CAMK4: variants seen among roughly 807,000 people sequenced by gnomAD.
The protein encoded by CAMK4 is calcium/calmodulin-dependent protein kinase type IV.
Under a neutral mutation model 44.9 loss-of-function variants are expected in CAMK4, and 22 were observed. The ratio of observed to expected loss-of-function variants is 0.49; its 90% CI spans 0.35 to 0.70. The LOEUF (loss-of-function observed/expected upper bound fraction) is 0.70. CAMK4 is among the 30% of genes least tolerant of loss of function. The pLI is 0.01. For missense variants in CAMK4, 498 were observed against 586.8 expected, an observed-to-expected ratio of 0.85 and a Z score of 1.56; for synonymous variants, 218 against 215.4, an observed-to-expected ratio of 1.01 and a Z score of -0.11.
Position 111,482,849 on chromosome 5 carries a change from C to T in CAMK4, c.893C>T (p.Pro298Leu), listed in dbSNP as rs1393937416. ...RLTTFQALQH[P>L]WVTGKAANFV... The stretch of plus-strand genomic sequence containing the variant: ...ACTACATTTCAAGCTCTCCAGCATC[C>T]GTGGGTCACAGGTAAAGCAGCCAAT... The change falls in exon 10 of 11, where the codon CCG becomes CTG. Residue 298 changes from proline to leucine, a missense_variant. Transcript: ENST00000282356. The surrounding 1 kb of genome is among the most constrained non-coding windows in gnomAD (Gnocchi z 4.9). 7 of 1,612,566 alleles carry T rather than the reference C, an allele frequency of 4.3e-6. No individual in the cohort carries two copies. The highest frequency in any genetic ancestry group is 1.3e-5 in the African/African-American group (1 of 74,818).
intron 1 of CAMK4, among the ~76,000 whole-genome samples, chr5:111,293,539 G>A (rs983363521): frequency 1.4e-4 from 21 of 151,372 alleles, no homozygotes; most frequent in African/African-American, 5.1e-4. Flanking sequence ...TGATTCCCCT[G>A]CCTCAGTCTC....
intron 1 of CAMK4, among the ~76,000 whole-genome samples, chr5:111,284,894 T>C (rs1382370934): frequency 6.6e-6 from 1 of 152,216 alleles, no homozygotes; most frequent in Non-Finnish European, 1.5e-5. Context: ...AAAAGAGATA[T>C]CTCCTTCTAA....
intron 1 of CAMK4, among the ~76,000 whole-genome samples, chr5:111,336,945 T>A (rs1660939): frequency 0.42 from 63,292 of 150,512 alleles, 13,816 homozygotes; most frequent in South Asian, 0.58. Context: ...CTTTTGGAAA[T>A]TTTTTTTTAC....
At chr5:111,233,456 A>G (rs1748567393) in intron 1 of CAMK4, among the ~76,000 whole-genome samples, 1 of 145,826 alleles carries the variant, frequency 6.9e-6, no homozygotes, top group Admixed American at 6.8e-5. Flanking sequence ...ACTGATGTTT[A>G]CTTCACATAA....
Position 111,394,864 on chromosome 5 carries a change from G to C in CAMK4, c.459+82G>C, listed in dbSNP as rs995599713. ...ATCATCATTTAAGAAATGCGCATCT[G>C]TGATAAGCCATACATTTTACAGCAT... On this transcript the variant is annotated intron_variant, in intron 5 of 10. Coordinates refer to ENST00000282356, the MANE Select transcript of CAMK4 (RefSeq NM_001744.6). The C allele has an allele frequency of 1.3e-5, 11 of 845,056 alleles. No individual in the cohort carries two copies. In the African/African-American group the frequency reaches 1.7e-4, roughly 13 times the overall value. The allele number at this position is 845,056 out of a possible 1,614,324, so 52.3% of individuals were successfully genotyped here.
chr5:111,372,576 C>G (rs1488806134), intron 2 of CAMK4, among the ~76,000 whole-genome samples: 2 of 152,028 alleles, frequency 1.3e-5, no homozygotes, highest in African/African-American at 4.8e-5. Flanking sequence ...CTCAACCTCT[C>G]AATTTGGTTA....
At chr5:111,314,734 A>C (rs1278770651) in intron 1 of CAMK4, among the ~76,000 whole-genome samples, 2 of 152,066 alleles carry the variant, frequency 1.3e-5, no homozygotes, top group Admixed American at 1.3e-4. Flanking sequence ...GTGTCTTGTT[A>C]ATACGTTGAA....
intron 1 of CAMK4, among the ~76,000 whole-genome samples, chr5:111,244,043 T>G (rs1749125575): frequency 6.6e-6 from 1 of 152,200 alleles, no homozygotes; most frequent in South Asian, 2.1e-4. Flanking sequence ...AACTAGTTAG[T>G]AGTAGAAATG....
chr5:111,360,142 A>G (rs1385029995), intron 2 of CAMK4, among the ~76,000 whole-genome samples: 1 of 152,098 alleles, frequency 6.6e-6, no homozygotes, highest in Non-Finnish European at 1.5e-5. Context: ...CCTGGGAGGA[A>G]AACATACTAA....
chr5:111,410,514 GTCTGTGT>G (rs1752594977), intron 5 of CAMK4, among the ~76,000 whole-genome samples: 1 of 152,162 alleles, frequency 6.6e-6, no homozygotes. Context: ...ACTACTGTAT[GTCTGTGT>G]TATTCTTTCA....
At chr5:111,372,079 C>G (rs1309370223) in intron 2 of CAMK4, among the ~76,000 whole-genome samples, 1 of 151,950 alleles carries the variant, frequency 6.6e-6, no homozygotes, top group African/African-American at 2.4e-5. Flanking sequence ...AGTAAATGGT[C>G]AAAACTTTGA....
At chr5:111,275,862 T>G (rs1319589221) in intron 1 of CAMK4, among the ~76,000 whole-genome samples, 1 of 152,088 alleles carries the variant, frequency 6.6e-6, no homozygotes, top group Admixed American at 6.6e-5. Flanking sequence ...ACACATTATA[T>G]ACATGTATAA....
At chr5:111,374,939 A>G in intron 3 of CAMK4, 27 bp downstream of exon 3, 1 of 1,500,368 alleles carries the variant, frequency 6.7e-7, no homozygotes, top group Non-Finnish European at 9.3e-7. Flanking sequence ...CTACTATTTC[A>G]AATGATTGCC....
chr5:111,376,390 A>G (rs566828832), intron 3 of CAMK4, among the ~76,000 whole-genome samples: 1 of 152,030 alleles, frequency 6.6e-6, no homozygotes, highest in African/African-American at 2.4e-5. Context: ...CTATTGATTG[A>G]TATACCCTTT....
intron 1 of CAMK4, among the ~76,000 whole-genome samples, chr5:111,240,119 G>T (rs1190920996): frequency 1.3e-5 from 2 of 151,888 alleles, no homozygotes; most frequent in Non-Finnish European, 2.9e-5. Context: ...CTTCTAAAAG[G>T]GTGTTAGAAA....
At chr5:111,331,062 A>G (rs1335209029) in intron 1 of CAMK4, among the ~76,000 whole-genome samples, 2 of 151,734 alleles carry the variant, frequency 1.3e-5, no homozygotes, top group Non-Finnish European at 2.9e-5. Context: ...AGGATGAGCA[A>G]TGATTTCTTA....
chr5:111,398,847 TC>T (rs1752118228), intron 5 of CAMK4, among the ~76,000 whole-genome samples: 1 of 152,004 alleles, frequency 6.6e-6, no homozygotes, highest in African/African-American at 2.4e-5. Flanking sequence ...GTCCAAATAA[TC>T]CCAAATAATA....
chr5:111,493,785 G>A lies in CAMK4; in HGVS notation c.*9319G>A, dbSNP rs1348617941. ...AACTTGGGAGACATTTAGACATTTA[G>A]TATGTGTACTTTTAGTTGTCTTGCC... is the stretch of plus-strand genomic sequence containing the variant. On this transcript the variant is annotated 3_prime_UTR_variant, in exon 11 of 11. Coordinates refer to ENST00000282356, the MANE Select transcript of CAMK4 (RefSeq NM_001744.6). This position sits in a 1 kb window ranked among gnomAD's most constrained non-coding sequence, Gnocchi z 4.1. 1 of 152,114 alleles carries A rather than the reference G, an allele frequency of 6.6e-6. No homozygotes were observed. Among genetic ancestry groups the A allele is most frequent in the Non-Finnish European group, 1.5e-5 (1 of 68,022 alleles). The allele number at this position is 152,114 out of a possible 1,614,324, so 9.4% of individuals were successfully genotyped here.
chr5:111,442,564 A>G (rs1336046812), intron 5 of CAMK4, among the ~76,000 whole-genome samples: 2 of 149,824 alleles, frequency 1.3e-5, no homozygotes, highest in Non-Finnish European at 3.0e-5. Context: ...ACATACATAC[A>G]GTGGAATTTT....
Sources: gnomAD v4.1 joint callset for allele counts (sites outside exome capture counted in the v4.1 genomes callset) on GRCh38, gnomAD v4.1.1 for gene constraint, Gnocchi (gnomAD v3.1) non-coding constraint, MANE v1.5 for transcripts, NCBI Gene and HGNC (gene_info 2026-07-23, HGNC 2026-07-21) for gene names.